THSD4: variants seen among roughly 807,000 people sequenced by gnomAD.
THSD4 encodes the protein thrombospondin type-1 domain-containing protein 4.
THSD4 carries 69 observed loss-of-function variants against 119.0 expected under a neutral mutation model. The ratio of observed to expected loss-of-function variants is 0.58; its 90% CI spans 0.48 to 0.71. THSD4 has a LOEUF of 0.71. THSD4 is among the 30% of genes least tolerant of loss of function. The probability of loss-of-function intolerance (pLI) is 0.00; values close to 1 mark genes in which losing one functional copy is unlikely to be tolerated. For missense variants in THSD4, 1,393 were observed against 1,391.1 expected (o/e 1.00, Z -0.02); for synonymous variants, 524 against 540.4 (o/e 0.97, Z 0.42).
chr15:71,665,896 A>G (rs2051407999), intron 8 of THSD4, among the ~76,000 whole-genome samples: 1 of 152,060 alleles, frequency 6.6e-6, no homozygotes, highest in South Asian at 2.1e-4. Context: ...CTCTGTTTTG[A>G]TTACCGTAGC....
At chr15:71,445,104 T>A (rs1479180026) in intron 7 of THSD4, among the ~76,000 whole-genome samples, 10 of 152,124 alleles carry the variant, frequency 6.6e-5, no homozygotes, top group African/African-American at 2.4e-4. Context: ...GGGGAATACC[T>A]TTTCCTATCT....
intron 6 of THSD4, among the ~76,000 whole-genome samples, chr15:71,396,246 A>G (rs577591575): frequency 6.6e-6 from 1 of 152,036 alleles, no homozygotes; most frequent in South Asian, 2.1e-4. Context: ...ACACATGCAT[A>G]CATAATATAC....
At chr15:71,493,009 G>T (rs2047946331) in intron 7 of THSD4, among the ~76,000 whole-genome samples, 1 of 151,972 alleles carries the variant, frequency 6.6e-6, no homozygotes, top group Non-Finnish European at 1.5e-5. Flanking sequence ...AATAAAATTT[G>T]TGAATTCAGG....
chr15:71,328,485 A>G (rs949707019), intron 6 of THSD4, among the ~76,000 whole-genome samples: 1 of 152,136 alleles, frequency 6.6e-6, no homozygotes, highest in African/African-American at 2.4e-5. Flanking sequence ...TCAGTCTGCC[A>G]TTCAATATAT....
At chr15:71,538,375 C>T (rs902191601) in intron 7 of THSD4, among the ~76,000 whole-genome samples, 5 of 152,190 alleles carry the variant, frequency 3.3e-5, no homozygotes, top group Admixed American at 6.5e-5. Flanking sequence ...TTTGAAGTGA[C>T]TCATTGATTG....
intron 4 of THSD4, among the ~76,000 whole-genome samples, chr15:71,231,030 ACACT>A (rs2044056354): frequency 6.6e-6 from 1 of 152,042 alleles, no homozygotes; most frequent in Non-Finnish European, 1.5e-5. Flanking sequence ...GGTTCCTTGA[ACACT>A]CACTCACTTG....
intron 1 of THSD4, among the ~76,000 whole-genome samples, chr15:71,108,882 C>T (rs1366919939): frequency 6.6e-6 from 1 of 152,108 alleles, no homozygotes; most frequent in Non-Finnish European, 1.5e-5. Context: ...GTCCCAGCTA[C>T]TCAGGAGGCT....
At chr15:71,426,454 C>T (rs565178460) in intron 7 of THSD4, among the ~76,000 whole-genome samples, 11 of 151,734 alleles carry the variant, frequency 7.2e-5, no homozygotes, top group Non-Finnish European at 1.3e-4. Flanking sequence ...CACTATTGTG[C>T]TCTGCTGAAC....
intron 10 of THSD4, among the ~76,000 whole-genome samples, chr15:71,734,826 TA>T (rs779818860): frequency 1.5e-3 from 214 of 138,548 alleles, no homozygotes; most frequent in Non-Finnish European, 1.7e-3. Flanking sequence ...AAAAGCCTAT[TA>T]AAAAAAAAAA....
intron 7 of THSD4, among the ~76,000 whole-genome samples, chr15:71,584,374 T>G (rs2049622662): frequency 6.7e-6 from 1 of 149,100 alleles, no homozygotes; most frequent in Non-Finnish European, 1.5e-5. Context: ...GTTCAAGTGA[T>G]TCTCCTGCCT....
chr15:71,268,740 G>A (rs116206201), intron 6 of THSD4, among the ~76,000 whole-genome samples: 34,574 of 146,882 alleles, frequency 0.24, 4,221 homozygotes, highest in Admixed American at 0.32. Context: ...AAGAAAAAAA[G>A]AGAGATGAAT....
At chr15:71,417,128 T>C (rs1355359387) in intron 7 of THSD4, among the ~76,000 whole-genome samples, 1 of 108,086 alleles carries the variant, frequency 9.3e-6, no homozygotes. Flanking sequence ...TATATTTTGG[T>C]TATTAATCCC....
intron 8 of THSD4, among the ~76,000 whole-genome samples, chr15:71,668,550 C>T (rs551112802): frequency 6.6e-6 from 1 of 151,656 alleles, no homozygotes; most frequent in East Asian, 1.9e-4. Context: ...CCACTCCCAG[C>T]ACACACACAC....
chr15:71,312,464 T>A (rs1452109639), intron 6 of THSD4, among the ~76,000 whole-genome samples: 1 of 152,114 alleles, frequency 6.6e-6, no homozygotes, highest in Admixed American at 6.5e-5. Flanking sequence ...CAGGGCTGCA[T>A]ATGCACATCT....
chr15:71,748,106 T>G (rs941624787), intron 13 of THSD4, among the ~76,000 whole-genome samples: 12 of 152,142 alleles, frequency 7.9e-5, no homozygotes, highest in African/African-American at 2.7e-4. Context: ...GTGTCCAACC[T>G]TCCATCCTGT....
At chr15:71,142,738 C>T (rs1423809223) in intron 2 of THSD4, among the ~76,000 whole-genome samples, 1 of 152,128 alleles carries the variant, frequency 6.6e-6, no homozygotes, top group African/African-American at 2.4e-5. Context: ...TTTTAGGATA[C>T]TATTTAAATA....
chr15:71,702,449 A>T (rs1208716172), intron 8 of THSD4, among the ~76,000 whole-genome samples: 1 of 152,152 alleles, frequency 6.6e-6, no homozygotes, highest in Non-Finnish European at 1.5e-5. Context: ...CCAGAGAAGG[A>T]TGGTTAATAA....
chr15:71,364,762 A>G (rs1317159042), intron 6 of THSD4, among the ~76,000 whole-genome samples: 1 of 152,218 alleles, frequency 6.6e-6, no homozygotes, highest in Non-Finnish European at 1.5e-5. Context: ...TAGCCTTTGC[A>G]TAGCGCTGAG....
intron 3 of THSD4, among the ~76,000 whole-genome samples, chr15:71,200,327 C>T (rs985959245): frequency 1.1e-4 from 16 of 152,060 alleles, no homozygotes; most frequent in African/African-American, 3.9e-4. Flanking sequence ...GAGCTGCTGT[C>T]CTGGATTGGC....
Sources: gnomAD v4.1 joint callset for allele counts (sites outside exome capture counted in the v4.1 genomes callset) on GRCh38, gnomAD v4.1.1 for gene constraint, MANE v1.5 for transcripts, NCBI Gene and HGNC (gene_info 2026-07-23, HGNC 2026-07-21) for gene names.